FSTL4: variants seen among roughly 807,000 people sequenced by gnomAD.
FSTL4 encodes follistatin-related protein 4.
A neutral mutation model predicts 78.2 loss-of-function variants in FSTL4; 28 were observed. That is an observed-to-expected ratio of 0.36 (90% confidence interval 0.27 to 0.49). FSTL4 has a LOEUF of 0.49. Among genes scored for constraint, FSTL4 ranks in the 20% least tolerant of loss-of-function variants. FSTL4 has a pLI of 0.98. For missense variants in FSTL4, 922 were observed against 1,084.9 expected, an observed-to-expected ratio of 0.85 and a Z score of 2.11; for synonymous variants, 422 against 440.5, an observed-to-expected ratio of 0.96 and a Z score of 0.53.
At chr5:133,593,720 A>C (rs999042527) in intron 2 of FSTL4, among the ~76,000 whole-genome samples, 2 of 152,204 alleles carry the variant, frequency 1.3e-5, no homozygotes, top group East Asian at 1.9e-4. Context: ...ACTTCTTTCT[A>C]ATAAAGATGT....
chr5:133,749,447 T>C, the FSTL4 span, among the ~76,000 whole-genome samples: 2 of 152,342 alleles, frequency 1.3e-5, no homozygotes, highest in South Asian at 2.1e-4. Context: ...ACAGTTGCTA[T>C]TGCAGTGAAG....
the FSTL4 span, among the ~76,000 whole-genome samples, chr5:133,674,936 C>T: frequency 2.0e-4 from 30 of 152,218 alleles, no homozygotes; most frequent in Non-Finnish European, 2.8e-4. Flanking sequence ...ATGTTTCAGG[C>T]GCTAATTTAG....
intron 3 of FSTL4, among the ~76,000 whole-genome samples, chr5:133,508,909 G>A (rs1758668521): frequency 6.6e-6 from 1 of 152,168 alleles, no homozygotes; most frequent in African/African-American, 2.4e-5. Flanking sequence ...TATAAGGTAA[G>A]TGCTGATCTT....
intron 7 of FSTL4, among the ~76,000 whole-genome samples, chr5:133,241,343 G>A (rs781542305): frequency 2.0e-5 from 3 of 152,176 alleles, no homozygotes; most frequent in African/African-American, 4.8e-5. Context: ...GTCTTCTGTC[G>A]AAGAGCCAAC....
chr5:133,367,833 TCAAA>T, intron 4 of FSTL4, among the ~76,000 whole-genome samples: 1 of 152,302 alleles, frequency 6.6e-6, no homozygotes, highest in South Asian at 2.1e-4. Flanking sequence ...AGAGAACAAA[TCAAA>T]CACAGTTCCA....
At chr5:133,210,869 A>G (rs1750686833) in intron 13 of FSTL4, 1 of 152,238 alleles carries the variant, frequency 6.6e-6, no homozygotes, top group African/African-American at 2.4e-5. Flanking sequence ...CAACATGGCA[A>G]AAGTCTGAAC....
rs115443350 is a variant in FSTL4, at chr5:133,418,879, G to T, written c.161-17893C>A. Among the ~76,000 whole-genome samples the T allele has an allele frequency of 9.4e-3, 1,435 of 152,242 alleles. 24 individuals are homozygous for T. Among genetic ancestry groups the T allele is most frequent in the African/African-American group, 0.031 (1,285 of 41,540 alleles). On this transcript the variant is annotated intron_variant, in intron 3 of 15. Coordinates refer to ENST00000265342, the MANE Select transcript of FSTL4 (RefSeq NM_015082.2). ...CACATCACCCAAGATTCCTCATGCC[G>T]CTTTGTAACCCTCCCTTTGCCCCTC... is the stretch of plus-strand genomic sequence containing the variant.
rs866687725 is a variant in FSTL4, at chr5:133,479,598, T to C, written c.161-78612A>G. On this transcript the variant is annotated intron_variant, in intron 3 of 15. Coordinates refer to ENST00000265342, the MANE Select transcript of FSTL4 (RefSeq NM_015082.2). ...AGAAAGTCAGAAACAAAGTGACACA[T>C]TGTGTATGAGTCCATGTGAGACATG... 6.6e-5 allele frequency among the ~76,000 whole-genome samples: 10 copies of C among 152,150 alleles called. 1 individual carries two copies. The Middle Eastern group carries it at 0.02, about 311-fold the overall frequency.
the FSTL4 span, among the ~76,000 whole-genome samples, chr5:133,689,383 A>G: frequency 6.6e-6 from 1 of 152,220 alleles, no homozygotes; most frequent in Non-Finnish European, 1.5e-5. Flanking sequence ...TTTAGAAAAC[A>G]TTGCTTGAGG....
At chr5:133,397,192 A>G (rs775099754) in intron 4 of FSTL4, among the ~76,000 whole-genome samples, 19 of 152,264 alleles carry the variant, frequency 1.2e-4, no homozygotes, top group Non-Finnish European at 2.6e-4. Flanking sequence ...ATACACAAAT[A>G]GGAATGCGAT....
intron 3 of FSTL4, among the ~76,000 whole-genome samples, chr5:133,511,865 G>T (rs574525835): frequency 9.2e-5 from 14 of 152,272 alleles, no homozygotes; most frequent in African/African-American, 3.4e-4. Context: ...GCAGAAGGGG[G>T]CCAGAAGTGA....
the FSTL4 span, among the ~76,000 whole-genome samples, chr5:133,782,627 G>A: frequency 6.6e-6 from 1 of 152,196 alleles, no homozygotes; most frequent in Non-Finnish European, 1.5e-5. Context: ...GCAAATCTGG[G>A]AGATGGAAGC....
chr5:133,398,410 T>C (rs1338396536), intron 4 of FSTL4, among the ~76,000 whole-genome samples: 2 of 152,134 alleles, frequency 1.3e-5, no homozygotes, highest in African/African-American at 4.8e-5. Flanking sequence ...GCCCCAGCAA[T>C]GAGTGTCTGC....
At chr5:133,260,952 G>A (rs758693783) in intron 6 of FSTL4, among the ~76,000 whole-genome samples, 2 of 152,214 alleles carry the variant, frequency 1.3e-5, no homozygotes, top group Non-Finnish European at 2.9e-5. Context: ...AAAGGAGGCT[G>A]GAGATGTTGG....
chr5:133,705,869 G>GCACACA, the FSTL4 span, among the ~76,000 whole-genome samples: 4,902 of 147,860 alleles, frequency 0.033, 96 homozygotes, highest in Non-Finnish European at 0.041. Context: ...ACACACACAC[G>GCACACA]CACACACACA....
chr5:133,781,364 GTT>G, the FSTL4 span, among the ~76,000 whole-genome samples: 183 of 89,608 alleles, frequency 2.0e-3, no homozygotes, highest in African/African-American at 7.3e-3. Flanking sequence ...TTGTTAAGCG[GTT>G]GTGTGTGTGT....
intron 4 of FSTL4, among the ~76,000 whole-genome samples, chr5:133,328,469 T>C (rs1754268514): frequency 6.6e-6 from 1 of 152,222 alleles, no homozygotes; most frequent in African/African-American, 2.4e-5. Flanking sequence ...TTTTTATGGT[T>C]GACTGGCAGA....
chr5:133,657,759 G>GTTTTTTTTTTTTTTTTTTTTTTTTTT, the FSTL4 span, among the ~76,000 whole-genome samples: 4 of 111,812 alleles, frequency 3.6e-5, no homozygotes, highest in Admixed American at 9.3e-5. Context: ...CTAGCTTACT[G>GTTTTTTTTTTTTTTTTTTTTTTTTTT]TTTTTTGTTT....
intron 3 of FSTL4, among the ~76,000 whole-genome samples, chr5:133,407,156 C>G (rs1756382739): frequency 6.6e-6 from 1 of 152,222 alleles, no homozygotes. Context: ...AGCAACTTCT[C>G]TAAAGGCTGG....
Sources: allele counts gnomAD v4.1 joint callset (sites outside exome capture counted in the v4.1 genomes callset), GRCh38; gene constraint gnomAD v4.1.1; transcripts MANE v1.5; gene names NCBI Gene and HGNC (gene_info 2026-07-23, HGNC 2026-07-21).